The following TRMT11 variants were observed in gnomAD, a reference collection of about 807,000 sequenced individuals.
TRMT11 encodes tRNA (guanine(10)-N(2))-methyltransferase TRMT11.
In TRMT11, 53 loss-of-function variants were observed where a neutral mutation model predicts 62.8. That is an observed-to-expected ratio of 0.84 (90% CI 0.68 to 1.06). The LOEUF (loss-of-function observed/expected upper bound fraction) is 1.06. TRMT11 is among the 50% of genes least tolerant of loss of function. TRMT11 has a pLI of 0.00. For synonymous variants in TRMT11, 188 were observed against 190.3 expected (o/e 0.99, Z 0.10); for missense variants, 556 against 553.4 (o/e 1.00, Z -0.05).
chr6:126,061,024 C>G (rs1400321594), intron 17 of TRMT11, among the ~76,000 whole-genome samples: 1 of 152,220 alleles, frequency 6.6e-6, no homozygotes, highest in African/African-American at 2.4e-5. Flanking sequence ...TTTCTAGGAA[C>G]TGGAAGTGCT....
intron 21 of TRMT11, among the ~76,000 whole-genome samples, chr6:126,124,539 G>A (rs183689039): frequency 6.6e-6 from 1 of 152,148 alleles, no homozygotes; most frequent in African/African-American, 2.4e-5. Flanking sequence ...TCTACTTTGG[G>A]CAATAAAATA....
intron 11 of TRMT11, among the ~76,000 whole-genome samples, chr6:126,015,088 A>T (rs912086684): frequency 2.6e-5 from 4 of 152,148 alleles, no homozygotes; most frequent in Admixed American, 6.5e-5. Flanking sequence ...TAAAATAAAA[A>T]AAAAAAAATA....
chr6:126,146,971 C>T (rs2128218971), intron 21 of TRMT11, among the ~76,000 whole-genome samples: 1 of 67,424 alleles, frequency 1.5e-5, no homozygotes, highest in African/African-American at 6.4e-5. Flanking sequence ...GCATTAATTA[C>T]CTAGAGGATA....
intron 21 of TRMT11, among the ~76,000 whole-genome samples, chr6:126,124,156 A>G (rs900380854): frequency 6.6e-6 from 1 of 152,124 alleles, no homozygotes; most frequent in Admixed American, 6.6e-5. Flanking sequence ...TGTACTAAAA[A>G]GGTATTGGTA....
chr6:126,156,704 A>T (rs1206051956), intron 21 of TRMT11, among the ~76,000 whole-genome samples: 1 of 152,080 alleles, frequency 6.6e-6, no homozygotes, highest in African/African-American at 2.4e-5. Flanking sequence ...ATCTCACATG[A>T]CCATAGTGGG....
At chr6:126,248,564 C>G in the TRMT11 span, among the ~76,000 whole-genome samples, 96 of 152,160 alleles carry the variant, frequency 6.3e-4, no homozygotes, top group African/African-American at 2.1e-3. Context: ...ATTCCACCCC[C>G]GTTCTCCATT....
chr6:126,173,347 A>G (rs1778351290), upstream of TRMT11, among the ~76,000 whole-genome samples: 1 of 152,222 alleles, frequency 6.6e-6, no homozygotes, highest in East Asian at 1.9e-4. Flanking sequence ...CCTTTCTGTC[A>G]GGTCATAGAT....
intron 18 of TRMT11, among the ~76,000 whole-genome samples, chr6:126,114,300 C>G (rs536748931): frequency 1.4e-4 from 21 of 152,136 alleles, no homozygotes; most frequent in Non-Finnish European, 2.6e-4. Flanking sequence ...TGATTCCAGT[C>G]TAGAACAGAG....
chr6:126,198,643 C>A (rs1183907407), intron 1 of TRMT11, among the ~76,000 whole-genome samples: 1 of 152,164 alleles, frequency 6.6e-6, no homozygotes, highest in African/African-American at 2.4e-5. Flanking sequence ...TAGTTAATCT[C>A]AGTTTACAAA....
chr6:126,025,882 T>G (rs928558334), intron 12 of TRMT11, among the ~76,000 whole-genome samples: 1 of 152,044 alleles, frequency 6.6e-6, no homozygotes, highest in East Asian at 1.9e-4. Flanking sequence ...GTATTCTCCC[T>G]ATCCCTCTTT....
chr6:126,087,308 C>A (rs535438628), intron 17 of TRMT11, among the ~76,000 whole-genome samples: 16 of 152,170 alleles, frequency 1.1e-4, no homozygotes, highest in African/African-American at 3.6e-4. Context: ...GATCATTTCC[C>A]AACCACAAAT....
chr6:126,184,033 T>A (rs1198826912), intron 1 of TRMT11, among the ~76,000 whole-genome samples: 1 of 152,178 alleles, frequency 6.6e-6, no homozygotes, highest in Non-Finnish European at 1.5e-5. Flanking sequence ...TAATAGATTA[T>A]ATTTATTAAT....
At chr6:126,241,010 G>T in the TRMT11 span, among the ~76,000 whole-genome samples, 15 of 152,362 alleles carry the variant, frequency 9.8e-5, no homozygotes, top group Non-Finnish European at 1.2e-4. Flanking sequence ...CTCCGAGCCA[G>T]GCACAGGATA....
chr6:126,209,719 A>C, the TRMT11 span, among the ~76,000 whole-genome samples: 3 of 152,052 alleles, frequency 2.0e-5, no homozygotes, highest in African/African-American at 7.2e-5. Flanking sequence ...CAGCGGCGAG[A>C]CTCCATCTCA....
chr6:126,151,806 T>TTGTCTTTC (rs1554242197), intron 21 of TRMT11, among the ~76,000 whole-genome samples: 3 of 86,880 alleles, frequency 3.5e-5, no homozygotes, highest in Non-Finnish European at 6.7e-5. Context: ...CCTCTCTGTC[T>TTGTCTTTC]TTTCTTTCTT....
chr6:126,024,947 G>A (rs1772778438), intron 12 of TRMT11, among the ~76,000 whole-genome samples: 1 of 152,180 alleles, frequency 6.6e-6, no homozygotes. Context: ...CCAGGCACAT[G>A]AGTAATACAT....
chr6:126,106,245 G>A (rs1265064830), intron 17 of TRMT11, among the ~76,000 whole-genome samples: 1 of 151,864 alleles, frequency 6.6e-6, no homozygotes, highest in Non-Finnish European at 1.5e-5. Context: ...CTGGGTTCAA[G>A]TGATTCTCCT....
the TRMT11 span, among the ~76,000 whole-genome samples, chr6:126,244,985 T>A: frequency 1.3e-5 from 2 of 152,262 alleles, no homozygotes; most frequent in Admixed American, 6.5e-5. Context: ...AATGTCTATA[T>A]CCAACACATT....
the TRMT11 span, among the ~76,000 whole-genome samples, chr6:126,247,036 C>G: frequency 6.6e-6 from 1 of 152,294 alleles, no homozygotes; most frequent in Admixed American, 6.5e-5. Flanking sequence ...GGAGATAAGA[C>G]TTCCAGCTTT....
Sources: allele counts gnomAD v4.1 joint callset (sites outside exome capture counted in the v4.1 genomes callset), GRCh38; gene constraint gnomAD v4.1.1; transcripts MANE v1.5; gene names NCBI Gene and HGNC (gene_info 2026-07-23, HGNC 2026-07-21).